SV2B: variants seen among roughly 807,000 people sequenced by gnomAD.
SV2B encodes the protein synaptic vesicle glycoprotein 2B, also known as solute carrier family 22 member B2.
Under a neutral mutation model 73.9 loss-of-function variants are expected in SV2B, and 41 were observed. The observed-to-expected ratio is 0.56, with a 90% CI of 0.43 to 0.72. SV2B has a LOEUF of 0.72. Among genes scored for constraint, SV2B ranks in the 30% least tolerant of loss-of-function variants. The pLI is 0.00. For synonymous variants in SV2B, 314 were observed against 314.2 expected (o/e 1.00, Z 0.01); for missense variants, 764 against 857.8 (o/e 0.89, Z 1.37).
At chr15:91,196,341 G>A (rs796737417) in intron 1 of SV2B, among the ~76,000 whole-genome samples, 2 of 152,354 alleles carry the variant, frequency 1.3e-5, no homozygotes, top group African/African-American at 4.8e-5. Flanking sequence ...CTACTGCATT[G>A]CAGAGTTACA....
rs2047187107 is a variant in SV2B at position 91,245,491 on chromosome 15, A to G, written c.452-6328A>G. Among the ~76,000 whole-genome samples the G allele has an allele frequency of 6.6e-6, 1 of 152,234 alleles. No individual in the cohort carries two copies. The highest frequency in any genetic ancestry group is 2.4e-5 in the African/African-American group (1 of 41,460). Reference sequence around the variant, plus strand: ...GTCTCTGAGTGGTGGTATGATGAATAGATTATTGCTTTACCTTTTATACAT... The same window carrying G: ...GTCTCTGAGTGGTGGTATGATGAATGGATTATTGCTTTACCTTTTATACAT... On this transcript the variant is annotated intron_variant, in intron 2 of 12. Transcript: ENST00000394232. The surrounding 1 kb of genome is among the most constrained non-coding windows in gnomAD (Gnocchi z 4.2).
In SV2B at chr15:91,281,574, A is replaced by C. The variant is rs1425365403; in HGVS notation, c.1374-154A>C. ...AGCCCTTCCCCACTAATAAACAAACAGCTAAGAAGTGGGGAAGTGGTCTGG... is the reference window on the plus strand; with the variant it reads ...AGCCCTTCCCCACTAATAAACAAACCGCTAAGAAGTGGGGAAGTGGTCTGG... On this transcript the variant is annotated intron_variant, in intron 9 of 12. Transcript: ENST00000394232. The surrounding 1 kb of genome is among the most constrained non-coding windows in gnomAD (Gnocchi z 4.7). 6.6e-6 allele frequency among the ~76,000 whole-genome samples: 1 copy of C among 152,192 alleles called. No individual in the cohort carries two copies. Among genetic ancestry groups the C allele is most frequent in the African/African-American group, 2.4e-5 (1 of 41,452 alleles).
At position 91,281,320 on chromosome 15, in the gene SV2B, T is replaced by C. The variant is rs1486110838; in HGVS notation, c.1374-408T>C. Among the ~76,000 whole-genome samples the C allele has an allele frequency of 6.6e-6, 1 of 152,246 alleles. No homozygotes were observed. The highest frequency in any genetic ancestry group is 2.4e-5 in the African/African-American group (1 of 41,468). ...ACAATTTTTTTAAAAATGAAGATTC[T>C]CAGACCTTCACAATTCTATGGCTTC... On this transcript the variant is annotated intron_variant, in intron 9 of 12. Coordinates refer to ENST00000394232, the MANE Select transcript of SV2B (RefSeq NM_001323032.3). This position sits in a 1 kb window ranked among gnomAD's most constrained non-coding sequence, Gnocchi z 4.7.
At chr15:91,174,577 T>C (rs2141290026) in intron 1 of SV2B, among the ~76,000 whole-genome samples, 1 of 152,338 alleles carries the variant, frequency 6.6e-6, no homozygotes, top group Admixed American at 6.5e-5. Flanking sequence ...TAAATAATAT[T>C]CGTCATTAGG....
chr15:91,248,224 G>A (rs888746819), intron 2 of SV2B, among the ~76,000 whole-genome samples: 1 of 152,168 alleles, frequency 6.6e-6, no homozygotes, highest in Non-Finnish European at 1.5e-5. Context: ...GGGAGGCTGA[G>A]GCAGGAGGAT....
intron 1 of SV2B, chr15:91,101,846 C>T (rs909398092): frequency 6.6e-6 from 1 of 152,186 alleles, no homozygotes; most frequent in African/African-American, 2.4e-5. Flanking sequence ...GAGAGGAGCA[C>T]ACACAATACA....
chr15:91,175,487 C>G (rs1301449544), intron 1 of SV2B, among the ~76,000 whole-genome samples: 1 of 152,008 alleles, frequency 6.6e-6, no homozygotes, highest in African/African-American at 2.4e-5. Flanking sequence ...ATCTCCTGAC[C>G]TCGTGATCCG....
chr15:91,260,521 ACT>A, intron 6 of SV2B, 112 bp downstream of exon 6: 1 of 698,126 alleles, frequency 1.4e-6, no homozygotes. Flanking sequence ...GAGAACAAAG[ACT>A]CTGATATTGC....
intron 1 of SV2B, among the ~76,000 whole-genome samples, chr15:91,148,825 G>T (rs1283509389): frequency 6.6e-6 from 1 of 152,158 alleles, no homozygotes; most frequent in Admixed American, 6.5e-5. Flanking sequence ...CAGGCAGAGA[G>T]AATTCTTTCT....
At chr15:91,277,269 G>GTTGA (rs1008133840) in intron 9 of SV2B, among the ~76,000 whole-genome samples, 1 of 152,174 alleles carries the variant, frequency 6.6e-6, no homozygotes, top group African/African-American at 2.4e-5. Flanking sequence ...CTAGGCAGTA[G>GTTGA]TTGAGCTTGG....
chr15:91,266,307 C>A (rs1026308733), intron 6 of SV2B, among the ~76,000 whole-genome samples: 4 of 152,184 alleles, frequency 2.6e-5, no homozygotes, highest in Non-Finnish European at 5.9e-5. Context: ...ATTGCCCAGT[C>A]GCATCTGTAT....
intron 1 of SV2B, among the ~76,000 whole-genome samples, chr15:91,203,670 A>G (rs2045538038): frequency 6.6e-6 from 1 of 152,246 alleles, no homozygotes; most frequent in African/African-American, 2.4e-5. Context: ...TTCTTTGAGA[A>G]GAATGGAGGG....
rs899442917 is a variant in SV2B at position 91,130,437 on chromosome 15, A to G, written c.-392+30074A>G. Among the ~76,000 whole-genome samples, 3 of 152,190 alleles carry G rather than the reference A, an allele frequency of 2.0e-5. No homozygotes were observed. The highest frequency in any genetic ancestry group is 4.4e-5 in the Non-Finnish European group (3 of 68,040). The stretch of plus-strand genomic sequence containing the variant: ...CCAGGGAGACAGAATAGAAGCAGAA[A>G]ATCTCATGCTAGAACCATAGAGAAG... On this transcript the variant is annotated intron_variant, in intron 1 of 12. Coordinates refer to ENST00000394232, the MANE Select transcript of SV2B (RefSeq NM_001323032.3). This position sits in a 1 kb window ranked among gnomAD's most constrained non-coding sequence, Gnocchi z 5.6.
At chr15:91,276,306 T>C (rs1474797851) in intron 9 of SV2B, among the ~76,000 whole-genome samples, 1 of 152,038 alleles carries the variant, frequency 6.6e-6, no homozygotes, top group Non-Finnish European at 1.5e-5. Flanking sequence ...TCCTTCTTCT[T>C]GGGATTTACT....
intron 1 of SV2B, among the ~76,000 whole-genome samples, chr15:91,157,514 G>C (rs967751796): frequency 3.3e-5 from 5 of 152,086 alleles, no homozygotes; most frequent in Non-Finnish European, 7.4e-5. Flanking sequence ...ATGCTCTCTC[G>C]ATAAAAAATA....
intron 1 of SV2B, among the ~76,000 whole-genome samples, chr15:91,109,832 C>G (rs1179401791): frequency 6.6e-6 from 1 of 152,072 alleles, no homozygotes; most frequent in African/African-American, 2.4e-5. Context: ...GCCTCTTGGG[C>G]CCAAGCAATC....
Position 91,234,544 on chromosome 15 carries a change from G to T in SV2B, c.451+7830G>T, listed in dbSNP as rs1272793520. Among the ~76,000 whole-genome samples the T allele has an allele frequency of 2.0e-5, 3 of 152,172 alleles. No homozygotes were observed. The highest frequency in any genetic ancestry group is 7.2e-5 in the African/African-American group (3 of 41,436). On this transcript the variant is annotated intron_variant, in intron 2 of 12. Transcript: ENST00000394232. This position sits in a 1 kb window ranked among gnomAD's most constrained non-coding sequence, Gnocchi z 5.6. ...CTGTGGTACTGGCTAGTTCATTGTG[G>T]CATTTTTAGAAATGAAATAAATAGG... is the stretch of plus-strand genomic sequence containing the variant.
rs575800904 is a variant in SV2B, at chr15:91,137,261, C to T, written c.-392+36898C>T. 2.3e-4 allele frequency among the ~76,000 whole-genome samples: 35 copies of T among 152,258 alleles called. No homozygotes were observed. Among genetic ancestry groups the T allele is most frequent in the African/African-American group, 7.9e-4 (33 of 41,542 alleles). The stretch of plus-strand genomic sequence containing the variant: ...TCCAGTCTCCAACTACTAATCACCC[C>T]AGTTAATGAGTTGTTTAAGCCACCC... On this transcript the variant is annotated intron_variant, in intron 1 of 12. Coordinates refer to ENST00000394232, the MANE Select transcript of SV2B (RefSeq NM_001323032.3). This position sits in a 1 kb window ranked among gnomAD's most constrained non-coding sequence, Gnocchi z 4.9.
intron 4 of SV2B, among the ~76,000 whole-genome samples, chr15:91,254,400 C>G (rs2047607523): frequency 6.6e-6 from 1 of 152,060 alleles, no homozygotes; most frequent in African/African-American, 2.4e-5. Flanking sequence ...CCACACCCAG[C>G]TAATTTTTGT....
Sources: gnomAD v4.1 joint callset for allele counts (sites outside exome capture counted in the v4.1 genomes callset) on GRCh38, gnomAD v4.1.1 for gene constraint, Gnocchi (gnomAD v3.1) non-coding constraint, MANE v1.5 for transcripts, NCBI Gene and HGNC (gene_info 2026-07-23, HGNC 2026-07-21) for gene names.